Variants in RGSL1 observed in about 807,000 individuals in gnomAD.
RGSL1 encodes the protein regulator of G protein signaling protein-like.
A neutral mutation model predicts 124.7 loss-of-function variants in RGSL1; 97 were observed. The ratio of observed to expected loss-of-function variants is 0.78; its 90% CI spans 0.66 to 0.92. The LOEUF is 0.92. RGSL1 is among the 40% of genes least tolerant of loss of function. The probability of loss-of-function intolerance (pLI) is 0.00; values close to 1 mark genes in which losing one functional copy is unlikely to be tolerated. For missense variants in RGSL1, 1,233 were observed against 1,288.4 expected, an observed-to-expected ratio of 0.96 and a Z score of 0.66; for synonymous variants, 424 against 438.1, an observed-to-expected ratio of 0.97 and a Z score of 0.40.
Position 182,530,852 on chromosome 1 carries a change from T to C in RGSL1, c.2306T>C (p.Val769Ala). 1 of 1,550,270 alleles carries C rather than the reference T, an allele frequency of 6.5e-7. No individual in the cohort carries two copies. Among genetic ancestry groups the C allele is most frequent in the Non-Finnish European group, 8.7e-7 (1 of 1,146,192 alleles). The change falls in exon 13 of 22, where the codon GTA (valine) becomes GCA (alanine). Residue 769 changes from valine (V) to alanine (A), a missense_variant. Transcript: ENST00000294854. Reference sequence around the variant, plus strand: ...CAGGAGGTGGAAGTGCAAAGTGAAGTACAAATTTCGTCTAGGAAGCCCTCA... The same window carrying C: ...CAGGAGGTGGAAGTGCAAAGTGAAGCACAAATTTCGTCTAGGAAGCCCTCA... ...HHQEVEVQSE[V>A]QISSRKPSKI... is the part of the protein sequence containing the mutation.
At chr1:182,487,581 T>A (rs1042806366) in intron 6 of RGSL1, among the ~76,000 whole-genome samples, 2 of 152,256 alleles carry the variant, frequency 1.3e-5, no homozygotes, top group Non-Finnish European at 2.9e-5. Flanking sequence ...CTTACCTTTA[T>A]GAATTCTTCC....
In RGSL1 at chr1:182,514,584, A is replaced by G. The variant is rs1313111096; in HGVS notation, c.1826-7420A>G. Among the ~76,000 whole-genome samples, 4 of 152,294 alleles carry G rather than the reference A, an allele frequency of 2.6e-5. No individual in the cohort carries two copies. In the South Asian group the frequency reaches 8.3e-4, roughly 32 times the overall value. ...GTCGGGGTTATCTGGAAACCTGCTA[A>G]GATACCCCTTAATTTGCTTCAAGTC... is the stretch of plus-strand genomic sequence containing the variant. On this transcript the variant is annotated intron_variant, in intron 9 of 21. Transcript: ENST00000294854.
At chr1:182,518,602 C>T (rs1658082355) in intron 9 of RGSL1, among the ~76,000 whole-genome samples, 1 of 152,190 alleles carries the variant, frequency 6.6e-6, no homozygotes, top group South Asian at 2.1e-4. Context: ...GATGCTTCCC[C>T]TGCCAGAAAA....
chr1:182,498,796 G>T (rs1335686915), intron 9 of RGSL1, among the ~76,000 whole-genome samples: 7 of 146,636 alleles, frequency 4.8e-5, no homozygotes, highest in South Asian at 2.1e-4. Flanking sequence ...TCCTTTGTTT[G>T]TTTGTTTTTT....
At chr1:182,559,431 G>A (rs547255663) in intron 21 of RGSL1, among the ~76,000 whole-genome samples, 2 of 152,196 alleles carry the variant, frequency 1.3e-5, no homozygotes, top group South Asian at 4.1e-4. Flanking sequence ...CCTTGGACAT[G>A]TCGCTGCTAT....
chr1:182,556,084 A>T lies in RGSL1; in HGVS notation c.*27A>T. On this transcript the variant is annotated 3_prime_UTR_variant, in exon 21 of 22. Coordinates refer to ENST00000294854, the MANE Select transcript of RGSL1 (RefSeq NM_001137669.2). ...CAAGCGAGACCCCCAGCAGAGATAA[A>T]TCATCTCTTAGAGGCCTCCTAACAC... 1 of 1,546,950 alleles carries T rather than the reference A, an allele frequency of 6.5e-7. No individual in the cohort carries two copies. The highest frequency in any genetic ancestry group is 8.7e-7 in the Non-Finnish European group (1 of 1,142,978).
rs1281394518 is a variant in RGSL1 at position 182,551,222 on chromosome 1, A to G, written c.3043+13A>G. 5 of 1,523,934 alleles carry G rather than the reference A, an allele frequency of 3.3e-6. No homozygotes were observed. Among genetic ancestry groups the G allele is most frequent in the Admixed American group, 3.9e-5 (2 of 50,788 alleles). The allele number at this position is 1,523,934 out of a possible 1,614,324, so 94.4% of individuals were successfully genotyped here. On this transcript the variant is annotated intron_variant, in intron 18 of 21. Coordinates refer to ENST00000294854, the MANE Select transcript of RGSL1 (RefSeq NM_001137669.2). ...TTCTCGAGTGGAGGTAAGCTCCACC[A>G]CGACTCACAGCCCCATTCTCCAGCA...
At chr1:182,559,138 T>C (rs959102679) in intron 21 of RGSL1, among the ~76,000 whole-genome samples, 4 of 152,198 alleles carry the variant, frequency 2.6e-5, no homozygotes, top group African/African-American at 9.6e-5. Context: ...CAGTGCTCCC[T>C]GTGGCTCTCC....
chr1:182,528,931 T>C lies in RGSL1; in HGVS notation c.2125+1159T>C, dbSNP rs147941603. Among the ~76,000 whole-genome samples the C allele has an allele frequency of 7.5e-3, 1,137 of 152,270 alleles. 15 individuals are homozygous for C. The highest frequency in any genetic ancestry group is 0.031 in the Middle Eastern group (9 of 294). On this transcript the variant is annotated intron_variant, in intron 11 of 21. Coordinates refer to ENST00000294854, the MANE Select transcript of RGSL1 (RefSeq NM_001137669.2). ...CCTGTCTACAGGGTGGCAAGAGAGATAATGAGTGCCCAGCGAAGGGGGAAG... is the reference window on the plus strand; with the variant it reads ...CCTGTCTACAGGGTGGCAAGAGAGACAATGAGTGCCCAGCGAAGGGGGAAG...
chr1:182,506,481 G>C (rs1434045520), intron 9 of RGSL1, among the ~76,000 whole-genome samples: 2 of 142,258 alleles, frequency 1.4e-5, no homozygotes, highest in East Asian at 4.0e-4. Context: ...ATTCCTGCTA[G>C]AATAATTCTT....
intron 9 of RGSL1, among the ~76,000 whole-genome samples, chr1:182,506,653 T>C (rs1227097058): frequency 6.6e-6 from 1 of 152,178 alleles, no homozygotes; most frequent in Admixed American, 6.5e-5. Context: ...TCCATTTAAA[T>C]CCAATCTGAC....
In RGSL1 at chr1:182,530,322, C is replaced by T. The variant is rs202037903; in HGVS notation, c.2204C>T (p.Thr735Met). Residue 735 changes from threonine (T) to methionine (M), a missense_variant, in exon 12 of 22, where the codon ACG becomes ATG. Thr to Met is a moderately conservative substitution (Grantham distance 81, BLOSUM62 -1). Transcript: ENST00000294854. ...CATGTCACCACAAGCACACTGTTAACGCTCCAGGGACATGTTATGAAATCT... is the reference window on the plus strand; with the variant it reads ...CATGTCACCACAAGCACACTGTTAATGCTCCAGGGACATGTTATGAAATCT... ...MRHVTTSTLL[T>M]LQGHVMKSIE... is the part of the protein sequence containing the mutation. 22 of 1,550,908 alleles carry T rather than the reference C, an allele frequency of 1.4e-5. No individual in the cohort carries two copies. Among genetic ancestry groups the T allele is most frequent in the East Asian group, 4.9e-5 (2 of 40,902 alleles).
chr1:182,509,739 G>A (rs1365932800), intron 9 of RGSL1, among the ~76,000 whole-genome samples: 258 of 113,276 alleles, frequency 2.3e-3, no homozygotes, highest in Middle Eastern at 0.011. Flanking sequence ...CCTCCCTCCC[G>A]GATGGCACGG....
intron 9 of RGSL1, among the ~76,000 whole-genome samples, chr1:182,517,329 G>A (rs761547587): frequency 7.1e-6 from 1 of 141,632 alleles, no homozygotes; most frequent in African/African-American, 2.6e-5. Context: ...TTGGGTGTTT[G>A]ATTATTATAG....
At chr1:182,475,159 T>C (rs988925188) in intron 6 of RGSL1, among the ~76,000 whole-genome samples, 3 of 152,194 alleles carry the variant, frequency 2.0e-5, no homozygotes, top group African/African-American at 7.2e-5. Context: ...CCTCAGAGTA[T>C]TCTATGAGGA....
chr1:182,515,087 C>T (rs1268231198), intron 9 of RGSL1, among the ~76,000 whole-genome samples: 1 of 152,192 alleles, frequency 6.6e-6, no homozygotes, highest in Admixed American at 6.5e-5. Flanking sequence ...CCCCGAGTCC[C>T]AGCAACCATG....
chr1:182,461,931 A>C (rs1387289721), intron 4 of RGSL1, among the ~76,000 whole-genome samples: 1 of 152,196 alleles, frequency 6.6e-6, no homozygotes, highest in African/African-American at 2.4e-5. Context: ...TAGAGAAAGA[A>C]AGGTGCAAAG....
chr1:182,494,106 C>T (rs1048536368), intron 9 of RGSL1, among the ~76,000 whole-genome samples: 1 of 152,154 alleles, frequency 6.6e-6, no homozygotes, highest in Non-Finnish European at 1.5e-5. Context: ...GATACCTGAG[C>T]CCCCGGTCAT....
At chr1:182,555,702 C>T (rs974811324) in intron 20 of RGSL1, 8 of 313,590 alleles carry the variant, frequency 2.6e-5, no homozygotes, top group Non-Finnish European at 2.4e-5. Flanking sequence ...AGCCAAGTCA[C>T]TTCTCAGGCC....
Sources: allele counts gnomAD v4.1 joint callset (sites outside exome capture counted in the v4.1 genomes callset), GRCh38; gene constraint gnomAD v4.1.1; transcripts MANE v1.5; gene names NCBI Gene and HGNC (gene_info 2026-07-23, HGNC 2026-07-21).